FMNL2: variants seen among roughly 807,000 people sequenced by gnomAD.
The protein encoded by FMNL2 is formin-like protein 2.
FMNL2 carries 51 observed loss-of-function variants against 130.2 expected under a neutral mutation model. The observed-to-expected ratio is 0.39, with a 90% CI of 0.31 to 0.49. The LOEUF (loss-of-function observed/expected upper bound fraction) is 0.49. Ranked by LOEUF, FMNL2 falls within the 20% of genes least tolerant of loss-of-function variation. FMNL2 has a pLI of 0.85. For synonymous variants in FMNL2, 465 were observed against 467.1 expected (o/e 1.00, Z 0.06); for missense variants, 977 against 1,316.2 (o/e 0.74, Z 3.99).
chr2:152,544,589 C>T (rs906220923), intron 3 of FMNL2, among the ~76,000 whole-genome samples: 13 of 152,118 alleles, frequency 8.5e-5, no homozygotes, highest in African/African-American at 2.4e-4. Context: ...TGGCTCAGAC[C>T]TCAGCATTGA....
intron 1 of FMNL2, among the ~76,000 whole-genome samples, chr2:152,410,251 A>G (rs13405110): frequency 0.13 from 20,297 of 152,170 alleles, 1,575 homozygotes; most frequent in East Asian, 0.19. Context: ...TGTTGACTCT[A>G]GCAGCAGACC....
intron 9 of FMNL2, among the ~76,000 whole-genome samples, chr2:152,593,841 GAGA>G (rs1342399388): frequency 1.7e-5 from 1 of 57,406 alleles, no homozygotes; most frequent in Non-Finnish European, 4.1e-5. Context: ...TGACTAGGGA[GAGA>G]GAGAGAGAGA....
chr2:152,643,610 T>C (rs2105978438), intron 25 of FMNL2: 1 of 1,508,160 alleles, frequency 6.6e-7, no homozygotes, highest in Non-Finnish European at 8.9e-7. Flanking sequence ...ACCAACATGC[T>C]AGCATGGAAT....
chr2:152,648,057 C>A lies in FMNL2; in HGVS notation c.*152C>A. On this transcript the variant is annotated 3_prime_UTR_variant, in exon 26 of 26. Coordinates refer to ENST00000288670, the MANE Select transcript of FMNL2 (RefSeq NM_052905.4). ...AAACACGGAAGAATTTTAAAATGAG[C>A]TCTCCTTTCAACCCTTGTTAACAAG... is the stretch of plus-strand genomic sequence containing the variant. 3.1e-6 allele frequency: 2 copies of A among 651,528 alleles called. No individual in the cohort carries two copies. The highest frequency in any genetic ancestry group is 4.0e-5 in the South Asian group (2 of 50,142). 40.4% of individuals were successfully genotyped at this position (651,528 alleles called of 1,614,324 possible).
intron 1 of FMNL2, among the ~76,000 whole-genome samples, chr2:152,434,008 A>T (rs938812631): frequency 2.6e-5 from 4 of 152,232 alleles, no homozygotes; most frequent in Non-Finnish European, 2.9e-5. Flanking sequence ...GCAAGGAGAA[A>T]GCCCATTTTG....
At chr2:152,500,829 AAAAC>A (rs1691784634) in intron 1 of FMNL2, among the ~76,000 whole-genome samples, 1 of 152,192 alleles carries the variant, frequency 6.6e-6, no homozygotes, top group Non-Finnish European at 1.5e-5. Flanking sequence ...CAGCCTGGGT[AAAAC>A]AAACAAAAAA....
Position 152,640,975 on chromosome 2 carries a change from T to G in FMNL2, c.3169+61T>G, listed in dbSNP as rs76336190. 1,587 of 1,599,888 alleles carry G rather than the reference T, an allele frequency of 9.9e-4. 11 individuals carry two copies. The African/African-American group carries it at 0.02, about 20-fold the overall frequency. ...CCCACTGGCCTCACCTAGACTGGGA[T>G]GCATGCAGATTTTGCAGCTTCTTTT... On this transcript the variant is annotated intron_variant, in intron 25 of 25. Coordinates refer to ENST00000288670, the MANE Select transcript of FMNL2 (RefSeq NM_052905.4).
rs1351582606 is a variant in FMNL2, at chr2:152,649,173, C to G, written c.*1268C>G. 6.6e-6 allele frequency: 1 copy of G among 152,424 alleles called. No individual in the cohort carries two copies. Among genetic ancestry groups the G allele is most frequent in the Admixed American group, 6.6e-5 (1 of 15,244 alleles). 9.4% of individuals were successfully genotyped at this position (152,424 alleles called of 1,614,324 possible). ...TATTTTATGTTGTGCTTATGTGAACCCCTTGGTGAAGGTCCCTTTTCCTTG... is the reference window on the plus strand; with the variant it reads ...TATTTTATGTTGTGCTTATGTGAACGCCTTGGTGAAGGTCCCTTTTCCTTG... On this transcript the variant is annotated 3_prime_UTR_variant, in exon 26 of 26. Transcript: ENST00000288670.
intron 1 of FMNL2, among the ~76,000 whole-genome samples, chr2:152,505,729 G>A (rs1007568250): frequency 3.9e-5 from 6 of 152,198 alleles, no homozygotes; most frequent in Non-Finnish European, 7.3e-5. Context: ...GGCTCCAGCC[G>A]TGTCTTCGAG....
At chr2:152,390,471 G>A (rs1306947597) in intron 1 of FMNL2, 1 of 1,482,638 alleles carries the variant, frequency 6.7e-7, no homozygotes, top group East Asian at 2.3e-5. Flanking sequence ...CAAGCTGTCA[G>A]ACCTGGACAA....
At chr2:152,466,972 T>G (rs1689581360) in intron 1 of FMNL2, among the ~76,000 whole-genome samples, 3 of 152,222 alleles carry the variant, frequency 2.0e-5, no homozygotes, top group South Asian at 2.1e-4. Flanking sequence ...CTGTGAAATA[T>G]TCTTCCTTCT....
intron 21 of FMNL2, 110 bp downstream of exon 21, chr2:152,632,247 T>A: frequency 6.9e-7 from 1 of 1,439,922 alleles, no homozygotes. Flanking sequence ...AAGCCAAGGC[T>A]AAGAAGTCAG....
chr2:152,547,254 T>TTCAAGCCA (rs1459509912), intron 3 of FMNL2, among the ~76,000 whole-genome samples: 55 of 152,288 alleles, frequency 3.6e-4, no homozygotes, highest in African/African-American at 1.3e-3. Context: ...TTACTCCCTT[T>TTCAAGCCA]TCAAGCCAAG....
rs528953282 is a variant in FMNL2, at chr2:152,635,265, C to A, written c.2681-1162C>A. Among the ~76,000 whole-genome samples the A allele has an allele frequency of 7.2e-5, 11 of 152,290 alleles. No individual in the cohort carries two copies. In the East Asian group the frequency reaches 2.1e-3, roughly 29 times the overall value. On this transcript the variant is annotated intron_variant, in intron 21 of 25. Coordinates refer to ENST00000288670, the MANE Select transcript of FMNL2 (RefSeq NM_052905.4). ...AGCTTCGATGATTGCTCTCAGTTGGCCATTGTCAACTTCTGATGGCCGGCC... is the reference window on the plus strand; with the variant it reads ...AGCTTCGATGATTGCTCTCAGTTGGACATTGTCAACTTCTGATGGCCGGCC...
chr2:152,592,711 A>C (rs1426882580), intron 9 of FMNL2, among the ~76,000 whole-genome samples: 1 of 152,196 alleles, frequency 6.6e-6, no homozygotes, highest in South Asian at 2.1e-4. Context: ...TGAGGTAGGA[A>C]CATAGAGGGA....
chr2:152,447,257 C>T (rs1400305539), intron 1 of FMNL2, among the ~76,000 whole-genome samples: 1 of 152,066 alleles, frequency 6.6e-6, no homozygotes, highest in Non-Finnish European at 1.5e-5. Flanking sequence ...TGCACCACCA[C>T]ACCTGGCTAA....
At chr2:152,449,963 A>C (rs1008767538) in intron 1 of FMNL2, among the ~76,000 whole-genome samples, 2 of 152,134 alleles carry the variant, frequency 1.3e-5, no homozygotes, top group Admixed American at 1.3e-4. Flanking sequence ...AAAAGGTCAT[A>C]CCCTATTCCA....
At chr2:152,375,940 C>G (rs753509498) in intron 1 of FMNL2, among the ~76,000 whole-genome samples, 36 of 149,658 alleles carry the variant, frequency 2.4e-4, no homozygotes, top group Non-Finnish European at 4.6e-4. Flanking sequence ...GTCCTCCAGG[C>G]TGTAGTGCAG....
chr2:152,460,796 C>A (rs1270484973), intron 1 of FMNL2, among the ~76,000 whole-genome samples: 1 of 152,206 alleles, frequency 6.6e-6, no homozygotes, highest in Non-Finnish European at 1.5e-5. Context: ...GCCTGATGAT[C>A]TGTTACCGTC....
Sources: allele counts gnomAD v4.1 joint callset (sites outside exome capture counted in the v4.1 genomes callset), GRCh38; gene constraint gnomAD v4.1.1; transcripts MANE v1.5; gene names NCBI Gene and HGNC (gene_info 2026-07-23, HGNC 2026-07-21).